C17orf75: variants seen among roughly 807,000 people sequenced by gnomAD.
C17orf75 encodes chromosome 17 open reading frame 75.
C17orf75 carries 32 observed loss-of-function variants against 49.6 expected under a neutral mutation model. The ratio of observed to expected loss-of-function variants is 0.65; its 90% CI spans 0.49 to 0.87. The LOEUF (loss-of-function observed/expected upper bound fraction) is 0.87. Ranked by LOEUF, C17orf75 falls within the 40% of genes least tolerant of loss-of-function variation. The pLI is 0.00. For missense variants in C17orf75, 428 were observed against 473.9 expected (o/e 0.90, Z 0.90); for synonymous variants, 158 against 159.5 (o/e 0.99, Z 0.07).
chr17:32,331,878 C>G lies in C17orf75; in HGVS notation c.1076G>C (p.Ser359Thr), dbSNP rs745905918. Reference protein sequence around the residue: ...KCYMFLKNCGSGDILLKIVKV... With the variant: ...KCYMFLKNCGTGDILLKIVKV... ...AACAATCTTCAAAAGTATATCTCCA[C>G]TACCACAGTTCTTTAGGAACATGTA... The change falls in exon 10 of 10, where the codon AGT becomes ACT. Residue 359 changes from serine to threonine, a missense_variant. Ser to Thr is a moderately conservative substitution (Grantham distance 58). Transcript: ENST00000577809. 2 of 1,613,358 alleles carry G rather than the reference C, an allele frequency of 1.2e-6. No individual in the cohort carries two copies. Among genetic ancestry groups the G allele is most frequent in the East Asian group, 2.2e-5 (1 of 44,840 alleles).
Position 32,334,399 on chromosome 17 carries a change from A to G in C17orf75, c.871+70T>C, listed in dbSNP as rs548602501. 1,161 of 1,525,222 alleles carry G rather than the reference A, an allele frequency of 7.6e-4. 1 individual carries two copies. The highest frequency in any genetic ancestry group is 9.8e-4 in the Non-Finnish European group (1,118 of 1,136,010). The allele number at this position is 1,525,222 out of a possible 1,614,324, so 94.5% of individuals were successfully genotyped here. On this transcript the variant is annotated intron_variant, in intron 8 of 9. Coordinates refer to ENST00000577809, the MANE Select transcript of C17orf75 (RefSeq NM_022344.4). The stretch of plus-strand genomic sequence containing the variant: ...AAGGCAGGAAGAATAAGGTTGTATC[A>G]TAGGCTCTCAGTGCAAAGATGGGGA...
intron 1 of C17orf75, 74 bp downstream of exon 1, chr17:32,341,926 G>T: frequency 3.4e-6 from 4 of 1,191,680 alleles, no homozygotes; most frequent in Non-Finnish European, 4.1e-6. Flanking sequence ...GGGGTGGGGT[G>T]CAAGGCCGGG....
chr17:32,343,598 C>T, upstream of C17orf75: 1 of 437,068 alleles, frequency 2.3e-6, no homozygotes, highest in Non-Finnish European at 4.1e-6. Flanking sequence ...TCTTCTCTTG[C>T]AATAAAGGTA....
In C17orf75 at chr17:32,348,054, G is replaced by T. The variant is rs904954052; in HGVS notation, c.-7+1888C>A. ...TCTTTTTGAGACAGAGTCTTGCTCT[G>T]TCGCCCGGACTGGAGTGCAGCAGAG... On this transcript the variant is annotated intron_variant, in intron 1 of 8. Transcript: ENST00000583774. 1.1e-3 allele frequency among the ~76,000 whole-genome samples: 171 copies of T among 149,538 alleles called. 2 individuals carry two copies. The highest frequency in any genetic ancestry group is 3.8e-3 in the African/African-American group (153 of 40,542).
intron 5 of C17orf75, among the ~76,000 whole-genome samples, chr17:32,336,239 G>A (rs905535429): frequency 4.1e-4 from 62 of 152,214 alleles, no homozygotes; most frequent in Admixed American, 1.4e-3. Context: ...TTTGAGACAG[G>A]GTCTCACTCT....
At position 32,338,347 on chromosome 17, in the gene C17orf75, G is replaced by A; in HGVS notation, c.352C>T (p.Pro118Ser). The A allele has an allele frequency of 6.3e-7, 1 of 1,596,516 alleles. No individual in the cohort carries two copies. The highest frequency in any genetic ancestry group is 8.5e-7 in the Non-Finnish European group (1 of 1,175,688). ...TAATAACAACCAACTCGGTAACCTG[G>A]AATTCTAGAAAAGAAAGAAAATGTA... is the stretch of plus-strand genomic sequence containing the variant. Reference protein sequence around the residue: ...GNVASVELKIPGYRVGCYYCL... With the variant: ...GNVASVELKISGYRVGCYYCL... The change falls in exon 4 of 10, where the codon CCA becomes TCA. Residue 118 changes from proline (P) to serine (S), a missense_variant. Coordinates refer to ENST00000577809, the MANE Select transcript of C17orf75 (RefSeq NM_022344.4).
chr17:32,340,570 G>A (rs944638545), intron 2 of C17orf75, among the ~76,000 whole-genome samples: 3 of 151,774 alleles, frequency 2.0e-5, no homozygotes, highest in African/African-American at 7.3e-5. Flanking sequence ...GCGTGAACCC[G>A]GGAGGCAGAG....
intron 1 of C17orf75, 159 bp downstream of exon 1, chr17:32,341,841 G>A (rs1417813573): frequency 1.9e-6 from 2 of 1,073,774 alleles, no homozygotes; most frequent in Admixed American, 5.3e-5. Flanking sequence ...GGGAGGCGAG[G>A]AGCGCCCTTC....
At chr17:32,332,161 T>C (rs933133501) in intron 9 of C17orf75, among the ~76,000 whole-genome samples, 183 bp from the exon 10 acceptor site, 15 of 152,196 alleles carry the variant, frequency 9.9e-5, no homozygotes, top group Non-Finnish European at 1.0e-4. Flanking sequence ...ATCTCCTTTT[T>C]TTTCTTGTTT....
At chr17:32,338,385 T>C (rs770062292) in intron 3 of C17orf75, 34 bp from the exon 4 acceptor site, 1 of 1,593,276 alleles carries the variant, frequency 6.3e-7, no homozygotes, top group Non-Finnish European at 8.5e-7. Flanking sequence ...ATGCATTATT[T>C]TGGTTACTCA....
At chr17:32,334,947 G>T in intron 6 of C17orf75, 108 bp from the exon 7 acceptor site, 1 of 845,934 alleles carries the variant, frequency 1.2e-6, no homozygotes, top group Non-Finnish European at 1.8e-6. Flanking sequence ...GACAACAATT[G>T]ATGGGCACTG....
At chr17:32,350,012 T>C (rs1349277904) in exon 1 of C17orf75, 1 of 1,331,898 alleles carries the variant, frequency 7.5e-7, no homozygotes, top group East Asian at 3.1e-5. Flanking sequence ...AGCGAAAAAC[T>C]CTGAAACGGA....
Position 32,334,788 on chromosome 17 carries a change from T to G in C17orf75, c.721A>C (p.Arg241=), listed in dbSNP as rs757482204. ...EVKESDEKTK[R]DINRFLSVAS... ...ACTGTTCTTTACCTGTTAATGTCTC[T>G]CTTTGTTTTTTCATCTGATTCTTTA... Residue 241 remains arginine, a synonymous_variant, in exon 7 of 10, where the codon AGA becomes CGA. Coordinates refer to ENST00000577809, the MANE Select transcript of C17orf75 (RefSeq NM_022344.4). The G allele has an allele frequency of 6.2e-7, 1 of 1,606,004 alleles. No individual in the cohort carries two copies. Among genetic ancestry groups the G allele is most frequent in the African/African-American group, 1.3e-5 (1 of 74,914 alleles).
At chr17:32,343,309 T>A (rs2041398133), upstream of C17orf75, among the ~76,000 whole-genome samples, 3 of 151,944 alleles carry the variant, frequency 2.0e-5, no homozygotes, top group Admixed American at 2.0e-4. Context: ...TTTTGTGTTT[T>A]TTTTTTTTAT....
upstream of C17orf75, chr17:32,343,971 G>C (rs1029433810): frequency 1.5e-6 from 1 of 684,056 alleles, no homozygotes; most frequent in East Asian, 2.7e-5. Context: ...ACTTCATCGG[G>C]GTTCATATAC....
Position 32,333,481 on chromosome 17 carries a change from A to C in C17orf75, c.911T>G (p.Leu304Ter). 1.2e-6 allele frequency: 2 copies of C among 1,613,436 alleles called. No homozygotes were observed. Among genetic ancestry groups the C allele is most frequent in the Non-Finnish European group, 1.7e-6 (2 of 1,179,702 alleles). ...AGGGTTACCTCCTTTGGCACCATTTAAAAAAGCTTGCATCCAATCCTCACA... is the reference window on the plus strand; with the variant it reads ...AGGGTTACCTCCTTTGGCACCATTTCAAAAAGCTTGCATCCAATCCTCACA... ...RFCEDWMQAFLNGAKGGNPFL... is the reference protein window; with the variant it reads ...RFCEDWMQAF Residue 304 changes from leucine to a stop codon, truncating the protein, a stop_gained, in exon 9 of 10, where the codon TTA becomes TGA. Coordinates refer to ENST00000577809, the MANE Select transcript of C17orf75 (RefSeq NM_022344.4). LOFTEE classifies it high-confidence loss of function.
chr17:32,335,434 G>A lies in C17orf75; in HGVS notation c.558C>T (p.Gly186=), dbSNP rs772298308. Residue 186 remains glycine, a synonymous_variant, in exon 6 of 10, where the codon GGC becomes GGT. Transcript: ENST00000577809. ...LKNNMNCEAR[G]LESHIKSYLS... ...GATAGGATTTTATGTGACTCTCCAG[G>A]CCCCTTGCCTAAATCAAGAAAGAAC... 29 of 1,613,246 alleles carry A rather than the reference G, an allele frequency of 1.8e-5. No individual in the cohort carries two copies. Among genetic ancestry groups the A allele is most frequent in the Middle Eastern group, 1.6e-4 (1 of 6,080 alleles).
intron 3 of C17orf75, among the ~76,000 whole-genome samples, chr17:32,338,843 C>A (rs2041351414): frequency 6.6e-6 from 1 of 152,156 alleles, no homozygotes; most frequent in Admixed American, 6.5e-5. Flanking sequence ...GTAATCCCAG[C>A]ACTTTGGGAG....
At chr17:32,348,307 G>A (rs1567807059) in intron 1 of C17orf75, among the ~76,000 whole-genome samples, 1 of 152,154 alleles carries the variant, frequency 6.6e-6, no homozygotes, top group Non-Finnish European at 1.5e-5. Flanking sequence ...ACAGGTGTGA[G>A]CCACTGCGCA....
Sources: allele counts gnomAD v4.1 joint callset (sites outside exome capture counted in the v4.1 genomes callset), GRCh38; gene constraint gnomAD v4.1.1; transcripts MANE v1.5; gene names NCBI Gene and HGNC (gene_info 2026-07-23, HGNC 2026-07-21).